Variants in NBEA observed in about 807,000 individuals in gnomAD.
NBEA encodes neurobeachin.
Under a neutral mutation model 343.4 loss-of-function variants are expected in NBEA, and 44 were observed. The ratio of observed to expected loss-of-function variants is 0.13; its 90% CI spans 0.10 to 0.16. NBEA has a LOEUF of 0.16. Ranked by LOEUF, NBEA falls within the 10% of genes least tolerant of loss-of-function variation. The pLI, the probability that NBEA is intolerant of heterozygous loss-of-function variation, is 1.00. For missense variants in NBEA, 2,555 were observed against 3,631.3 expected, an observed-to-expected ratio of 0.70 and a Z score of 7.62; for synonymous variants, 1,175 against 1,238.7, an observed-to-expected ratio of 0.95 and a Z score of 1.08.
intron 38 of NBEA, among the ~76,000 whole-genome samples, chr13:35,402,741 T>C (rs1388122867): frequency 2.0e-5 from 3 of 152,098 alleles, no homozygotes; most frequent in Non-Finnish European, 4.4e-5. Context: ...TTGGCATGTC[T>C]CATAAATATC....
rs112915648 is a variant in NBEA at position 35,138,605 on chromosome 13, G to A, written c.2337-3664G>A. ...CTCCAGAGTAGCTGGGATTACAGGC[G>A]CCTGTCACCATGCCCGGCTAATTTT... is the stretch of plus-strand genomic sequence containing the variant. On this transcript the variant is annotated intron_variant, in intron 17 of 58. Transcript: ENST00000379939. 4.2e-4 allele frequency among the ~76,000 whole-genome samples: 64 copies of A among 151,848 alleles called. 1 individual carries two copies. Among genetic ancestry groups the A allele is most frequent in the African/African-American group, 1.4e-3 (58 of 41,408 alleles).
chr13:35,447,982 A>G (rs1208497306), intron 39 of NBEA, among the ~76,000 whole-genome samples: 1 of 152,210 alleles, frequency 6.6e-6, no homozygotes, highest in Admixed American at 6.5e-5. Flanking sequence ...ACTCTAATTC[A>G]TAAAGGATAT....
At chr13:35,015,328 C>T (rs1157814318) in intron 1 of NBEA, among the ~76,000 whole-genome samples, 1 of 151,590 alleles carries the variant, frequency 6.6e-6, no homozygotes, top group Admixed American at 6.6e-5. Flanking sequence ...TATTGAGAAA[C>T]TAAGTATTGT....
At chr13:34,991,882 TG>T (rs2060761643) in intron 1 of NBEA, among the ~76,000 whole-genome samples, 1 of 151,988 alleles carries the variant, frequency 6.6e-6, no homozygotes, top group Admixed American at 6.6e-5. Flanking sequence ...AATTTAAAAA[TG>T]TGTTTATTTG....
intron 8 of NBEA, among the ~76,000 whole-genome samples, chr13:35,061,972 C>T (rs17051833): frequency 0.028 from 4,227 of 151,510 alleles, 86 homozygotes; most frequent in South Asian, 0.074. Flanking sequence ...CAATATTGTA[C>T]GGAGTAGTAG....
intron 38 of NBEA, among the ~76,000 whole-genome samples, chr13:35,408,204 A>G (rs1459859473): frequency 1.3e-5 from 2 of 152,194 alleles, no homozygotes; most frequent in East Asian, 1.9e-4. Flanking sequence ...AAATAAAACC[A>G]GATACATACC....
At chr13:35,263,685 G>C (rs7989764) in intron 34 of NBEA, among the ~76,000 whole-genome samples, 3,135 of 151,752 alleles carry the variant, frequency 0.021, 75 homozygotes, top group African/African-American at 0.054. Flanking sequence ...ACAACTAATG[G>C]GTCAAAGAAG....
At chr13:35,146,955 T>C (rs1299133112) in intron 18 of NBEA, among the ~76,000 whole-genome samples, 1 of 152,166 alleles carries the variant, frequency 6.6e-6, no homozygotes, top group Non-Finnish European at 1.5e-5. Flanking sequence ...CGAGTAAAGT[T>C]TGGCAAGCAT....
At chr13:35,292,288 C>T (rs2035852967) in intron 35 of NBEA, among the ~76,000 whole-genome samples, 1 of 151,888 alleles carries the variant, frequency 6.6e-6, no homozygotes. Context: ...TTCAACGTTT[C>T]TTAAAATAAT....
At chr13:35,564,026 C>T (rs2080014230) in intron 44 of NBEA, among the ~76,000 whole-genome samples, 1 of 151,838 alleles carries the variant, frequency 6.6e-6, no homozygotes, top group African/African-American at 2.4e-5. Context: ...TGGATCCTTA[C>T]CTTCCTCCTT....
At chr13:35,318,896 G>A (rs2037937228) in intron 36 of NBEA, among the ~76,000 whole-genome samples, 1 of 152,140 alleles carries the variant, frequency 6.6e-6, no homozygotes, top group African/African-American at 2.4e-5. Context: ...GCATAGAGGT[G>A]TTTATAGTAT....
At chr13:35,166,735 A>G (rs888530756) in intron 24 of NBEA, among the ~76,000 whole-genome samples, 1 of 152,050 alleles carries the variant, frequency 6.6e-6, no homozygotes, top group Non-Finnish European at 1.5e-5. Context: ...TTGTTTTTGT[A>G]TTACTGGGTT....
At chr13:35,407,292 T>A (rs1173718680) in intron 38 of NBEA, among the ~76,000 whole-genome samples, 1 of 151,932 alleles carries the variant, frequency 6.6e-6, no homozygotes, top group Non-Finnish European at 1.5e-5. Context: ...GGTTATCACA[T>A]TGAAATTATC....
intron 1 of NBEA, among the ~76,000 whole-genome samples, chr13:34,963,576 A>T (rs2152493145): frequency 6.6e-6 from 1 of 152,160 alleles, no homozygotes; most frequent in African/African-American, 2.4e-5. Context: ...TGATAGTGAT[A>T]AAAATGTAAG....
chr13:35,446,502 TAC>T (rs2046053302), intron 39 of NBEA, among the ~76,000 whole-genome samples: 1 of 152,162 alleles, frequency 6.6e-6, no homozygotes, highest in Non-Finnish European at 1.5e-5. Context: ...ATAAATGTTA[TAC>T]AGAGATGGAA....
In NBEA at chr13:35,639,785, C is replaced by CT. The variant is rs1197856181; in HGVS notation, c.7618-6081dup. Among the ~76,000 whole-genome samples, 7 of 151,966 alleles carry CT rather than the reference C, an allele frequency of 4.6e-5. No individual in the cohort carries two copies. The South Asian group carries it at 8.3e-4, about 18-fold the overall frequency. On this transcript the variant is annotated intron_variant, in intron 49 of 58. Transcript: ENST00000379939. ...ATTGTGGGTACCATAACCTATAGTA[C>CT]TTTATAAAATGCTGATTTTTCTGAA...
chr13:35,056,023 G>A lies in NBEA; in HGVS notation c.986G>A (p.Ser329Asn). ...TTTTTATTTAAGTGGTACATGATCAGCATTGTCCACATTTACAATCGATGG... is the reference window on the plus strand; with the variant it reads ...TTTTTATTTAAGTGGTACATGATCAACATTGTCCACATTTACAATCGATGG... Reference protein sequence around the residue: ...DFQPRKWYMISIVHIYNRWRN... With the variant: ...DFQPRKWYMINIVHIYNRWRN... Residue 329 changes from serine to asparagine, a missense_variant, in exon 7 of 59, where the codon AGC becomes AAC. By Grantham distance (46) the Ser-to-Asn change is conservative. This residue lies in a region of NBEA where 75 missense variants were observed against 237.4 expected (regional missense o/e 0.32). Transcript: ENST00000379939. 6.3e-7 allele frequency: 1 copy of A among 1,599,984 alleles called. No homozygotes were observed. The highest frequency in any genetic ancestry group is 8.5e-7 in the Non-Finnish European group (1 of 1,172,554).
chr13:35,411,690 G>T (rs560082502), intron 38 of NBEA, among the ~76,000 whole-genome samples: 1 of 151,628 alleles, frequency 6.6e-6, no homozygotes, highest in African/African-American at 2.4e-5. Context: ...TAGATAAAGG[G>T]TCATACCATG....
At chr13:35,238,586 C>T (rs1291917260) in intron 34 of NBEA, among the ~76,000 whole-genome samples, 1 of 152,146 alleles carries the variant, frequency 6.6e-6, no homozygotes, top group African/African-American at 2.4e-5. Context: ...AATGGCTTAG[C>T]CAGGCCTATT....
Sources: gnomAD v4.1 joint callset for allele counts (sites outside exome capture counted in the v4.1 genomes callset) on GRCh38, gnomAD v4.1.1 for gene constraint, gnomAD v4.1.1 regional missense constraint, MANE v1.5 for transcripts, NCBI Gene and HGNC (gene_info 2026-07-23, HGNC 2026-07-21) for gene names.